Variants in CPED1 observed in about 807,000 individuals in gnomAD.
CPED1 encodes cadherin like and PC-esterase domain containing 1.
CPED1 carries 114 observed loss-of-function variants against 128.2 expected under a neutral mutation model. The observed-to-expected ratio is 0.89, with a 90% CI of 0.76 to 1.04. CPED1 has a LOEUF of 1.04. Among genes scored for constraint, CPED1 ranks in the 50% least tolerant of loss-of-function variants. The probability of loss-of-function intolerance (pLI) is 0.00; values close to 1 mark genes in which losing one functional copy is unlikely to be tolerated. For missense variants in CPED1, 1,211 were observed against 1,207.1 expected, an observed-to-expected ratio of 1.00 and a Z score of -0.05; for synonymous variants, 462 against 426.7, an observed-to-expected ratio of 1.08 and a Z score of -1.02.
At position 121,045,413 on chromosome 7, in the gene CPED1, C is replaced by A. The variant is rs538567412; in HGVS notation, c.434-1474C>A. 3.3e-5 allele frequency among the ~76,000 whole-genome samples: 5 copies of A among 152,292 alleles called. No homozygotes were observed. In the South Asian group the frequency reaches 1.0e-3, roughly 32 times the overall value. On this transcript the variant is annotated intron_variant, in intron 3 of 22. Transcript: ENST00000310396. ...AACAGGACAATTAAAAACAGAGGAA[C>A]CAGTAGCCCAGACAACACAAGATTT...
intron 4 of CPED1, among the ~76,000 whole-genome samples, chr7:121,056,561 C>T (rs1403260846): frequency 1.3e-5 from 2 of 152,120 alleles, no homozygotes; most frequent in African/African-American, 4.8e-5. Context: ...TTACTGTGTT[C>T]TCCTAATTCT....
chr7:121,294,699 GA>G (rs1792785335), intron 22 of CPED1, among the ~76,000 whole-genome samples: 1 of 150,730 alleles, frequency 6.6e-6, no homozygotes, highest in Non-Finnish European at 1.5e-5. Context: ...CTTACACAAG[GA>G]ACAATAGATA....
intron 22 of CPED1, among the ~76,000 whole-genome samples, chr7:121,292,916 C>A (rs1792738898): frequency 6.6e-6 from 1 of 152,132 alleles, no homozygotes; most frequent in Non-Finnish European, 1.5e-5. Flanking sequence ...GGGCACCTGC[C>A]AGATGCCAGC....
chr7:121,230,642 A>T (rs992237884), intron 16 of CPED1, among the ~76,000 whole-genome samples: 2 of 152,034 alleles, frequency 1.3e-5, no homozygotes, highest in Non-Finnish European at 2.9e-5. Flanking sequence ...AATTTAAGAT[A>T]GTTGTTGTTC....
intron 7 of CPED1, among the ~76,000 whole-genome samples, chr7:121,116,509 T>A (rs1247280865): frequency 6.6e-6 from 1 of 152,214 alleles, no homozygotes; most frequent in Non-Finnish European, 1.5e-5. Context: ...GTAATTAGGC[T>A]ACATAAATTC....
At chr7:120,997,782 C>T (rs1247901690) in intron 2 of CPED1, among the ~76,000 whole-genome samples, 1 of 151,848 alleles carries the variant, frequency 6.6e-6, no homozygotes, top group African/African-American at 2.4e-5. Context: ...ACTAGCTGGG[C>T]ATGGTGGCGG....
At chr7:121,166,389 G>A (rs572525260) in intron 16 of CPED1, among the ~76,000 whole-genome samples, 29 of 152,084 alleles carry the variant, frequency 1.9e-4, no homozygotes, top group African/African-American at 6.5e-4. Context: ...AAAGACTTTC[G>A]CAAGTTATGA....
In CPED1 at chr7:121,140,818, T is replaced by G. The variant is rs988160054; in HGVS notation, c.1700-9T>G. On this transcript the variant is annotated splice_polypyrimidine_tract_variant and intron_variant, in intron 14 of 22. Transcript: ENST00000310396. ...GTTGTCTTTGTCATTGTTTTTGTTT[T>G]TTTAACAGATGAAAACACACCATGT... 4 of 1,599,292 alleles carry G rather than the reference T, an allele frequency of 2.5e-6. No homozygotes were observed. Among genetic ancestry groups the G allele is most frequent in the Admixed American group, 1.8e-5 (1 of 56,658 alleles).
chr7:121,130,281 C>T lies in CPED1; in HGVS notation c.1564C>T (p.His522Tyr), dbSNP rs369043917. The T allele has an allele frequency of 8.5e-5, 136 of 1,600,846 alleles. No individual in the cohort carries two copies. The highest frequency in any genetic ancestry group is 1.1e-4 in the Non-Finnish European group (134 of 1,175,346). Residue 522 changes from histidine to tyrosine, a missense_variant, in exon 12 of 23, where the codon CAT becomes TAT. Transcript: ENST00000310396. Reference sequence around the variant, plus strand: ...GTTCATGAATAAAAAGACACAGCCACATCCACTGGAATGGTAAGATAGCCA... The same window carrying T: ...GTTCATGAATAAAAAGACACAGCCATATCCACTGGAATGGTAAGATAGCCA... ...FQFMNKKTQP[H>Y]PLEWNSFTED...
chr7:121,172,165 G>T (rs1166691292), intron 16 of CPED1, among the ~76,000 whole-genome samples: 2 of 152,164 alleles, frequency 1.3e-5, no homozygotes, highest in Non-Finnish European at 2.9e-5. Flanking sequence ...ACTGTTGAGG[G>T]TCATTAGGTC....
At chr7:121,238,137 G>C (rs1798302755) in intron 17 of CPED1, among the ~76,000 whole-genome samples, 1 of 152,162 alleles carries the variant, frequency 6.6e-6, no homozygotes, top group South Asian at 2.1e-4. Context: ...AGCTTGTTCT[G>C]TTCACTAAAT....
intron 16 of CPED1, among the ~76,000 whole-genome samples, chr7:121,186,441 A>G (rs750991560): frequency 1.3e-5 from 2 of 152,102 alleles, no homozygotes; most frequent in Non-Finnish European, 2.9e-5. Flanking sequence ...TATTTTATGC[A>G]TCTATGAAAA....
intron 16 of CPED1, among the ~76,000 whole-genome samples, chr7:121,142,610 C>T (rs185827594): frequency 6.6e-6 from 1 of 151,958 alleles, no homozygotes; most frequent in African/African-American, 2.4e-5. Flanking sequence ...TTAAATTTCT[C>T]ATTCACTTCT....
intron 3 of CPED1, among the ~76,000 whole-genome samples, chr7:121,039,904 T>C (rs2116884325): frequency 6.6e-6 from 1 of 152,214 alleles, no homozygotes; most frequent in African/African-American, 2.4e-5. Flanking sequence ...AATGTCACTT[T>C]CTTGAACCTA....
intron 16 of CPED1, among the ~76,000 whole-genome samples, chr7:121,197,612 G>A (rs1260959857): frequency 2.6e-5 from 4 of 152,152 alleles, no homozygotes; most frequent in East Asian, 1.9e-4. Flanking sequence ...TGCTACAGTC[G>A]AGTGTGTGTA....
chr7:121,001,728 T>C (rs1289664234), intron 2 of CPED1, among the ~76,000 whole-genome samples: 2 of 152,076 alleles, frequency 1.3e-5, no homozygotes, highest in Non-Finnish European at 1.5e-5. Context: ...GGGACTGAAA[T>C]GGGGAATCCC....
At chr7:121,086,500 T>C (rs1181846846) in intron 5 of CPED1, among the ~76,000 whole-genome samples, 1 of 152,054 alleles carries the variant, frequency 6.6e-6, no homozygotes, top group Non-Finnish European at 1.5e-5. Context: ...GTATACAAAC[T>C]GGAAAGAAAA....
chr7:121,147,464 A>ATTTAG (rs1796048546), intron 16 of CPED1, among the ~76,000 whole-genome samples: 1 of 152,166 alleles, frequency 6.6e-6, no homozygotes. Context: ...AGAAAGTAAT[A>ATTTAG]AACTGTTATT....
At chr7:121,001,048 T>C (rs950063416) in intron 2 of CPED1, among the ~76,000 whole-genome samples, 2 of 152,176 alleles carry the variant, frequency 1.3e-5, no homozygotes, top group African/African-American at 4.8e-5. Context: ...ACTGGGTATA[T>C]GTTACATTAT....
Sources: allele counts gnomAD v4.1 joint callset (sites outside exome capture counted in the v4.1 genomes callset), GRCh38; gene constraint gnomAD v4.1.1; transcripts MANE v1.5; gene names NCBI Gene and HGNC (gene_info 2026-07-23, HGNC 2026-07-21).